Variants in PTPRN2 observed in about 807,000 individuals in gnomAD.
The protein encoded by PTPRN2 is receptor-type tyrosine-protein phosphatase N2.
A neutral mutation model predicts 118.8 loss-of-function variants in PTPRN2; 74 were observed. The observed-to-expected ratio is 0.62, with a 90% CI of 0.52 to 0.76. The LOEUF is 0.76. PTPRN2 is among the 30% of genes least tolerant of loss of function. The pLI is 0.00. For synonymous variants in PTPRN2, 641 were observed against 608.0 expected (o/e 1.05, Z -0.80); for missense variants, 1,481 against 1,394.4 (o/e 1.06, Z -0.99).
At chr7:157,745,025 C>T (rs1164698891) in intron 12 of PTPRN2, among the ~76,000 whole-genome samples, 11 of 152,192 alleles carry the variant, frequency 7.2e-5, no homozygotes, top group African/African-American at 7.2e-5. Context: ...ACGAGGACTA[C>T]GGGTGTCTGA....
intron 11 of PTPRN2, among the ~76,000 whole-genome samples, chr7:157,970,294 G>T (rs771201624): frequency 1.3e-5 from 2 of 152,218 alleles, no homozygotes; most frequent in Non-Finnish European, 2.9e-5. Context: ...AAGGTCATCT[G>T]CAGGCAAATA....
intron 2 of PTPRN2, among the ~76,000 whole-genome samples, chr7:158,417,334 G>A (rs1467331168): frequency 6.7e-6 from 1 of 149,360 alleles, no homozygotes; most frequent in Admixed American, 6.6e-5. Context: ...TCGAGATGCT[G>A]AAGCTTTCAG....
intron 2 of PTPRN2, among the ~76,000 whole-genome samples, chr7:158,327,169 G>GCA (rs549017342): frequency 0.013 from 1,863 of 145,538 alleles, 49 homozygotes; most frequent in African/African-American, 0.045. Context: ...ATTCTCACAT[G>GCA]CACACACACA....
At chr7:158,315,466 C>G (rs1342415053) in intron 3 of PTPRN2, among the ~76,000 whole-genome samples, 1 of 148,232 alleles carries the variant, frequency 6.7e-6, no homozygotes, top group Non-Finnish European at 1.5e-5. Flanking sequence ...GAACCCAGGA[C>G]TCCCTGAAGG....
chr7:158,264,332 T>C (rs1184035136), intron 3 of PTPRN2, among the ~76,000 whole-genome samples: 1 of 152,176 alleles, frequency 6.6e-6, no homozygotes, highest in Admixed American at 6.5e-5. Flanking sequence ...TAGACAATCA[T>C]TTACCACTCA....
At position 158,443,875 on chromosome 7, in the gene PTPRN2, C is replaced by T. The variant is rs114576507; in HGVS notation, c.163+45860G>A. On this transcript the variant is annotated intron_variant, in intron 2 of 22. Coordinates refer to ENST00000389418, the MANE Select transcript of PTPRN2 (RefSeq NM_002847.5). ...CCACCAGCAACGGGGCTGCCTGGGA[C>T]GGCCAGGGGCAGAGCTGCTCCCATG... Among the ~76,000 whole-genome samples the T allele has an allele frequency of 5.2e-3, 796 of 152,298 alleles. 11 individuals are homozygous for T. Among genetic ancestry groups the T allele is most frequent in the African/African-American group, 0.018 (747 of 41,562 alleles).
At position 157,779,966 on chromosome 7, in the gene PTPRN2, A is replaced by C. The variant is rs1803576179; in HGVS notation, c.1789-97029T>G. 6.6e-6 allele frequency among the ~76,000 whole-genome samples: 1 copy of C among 152,188 alleles called. No homozygotes were observed. ...ACTGCTGTGTCCACACGGGTTAATA[A>C]AAATGCTGACCCCAGTTCCCAAGGT... On this transcript the variant is annotated intron_variant, in intron 12 of 22. Transcript: ENST00000389418. The surrounding 1 kb of genome is among the most constrained non-coding windows in gnomAD (Gnocchi z 4.7).
At chr7:158,560,107 C>A (rs1032153040) in intron 1 of PTPRN2, among the ~76,000 whole-genome samples, 1 of 152,242 alleles carries the variant, frequency 6.6e-6, no homozygotes, top group African/African-American at 2.4e-5. Context: ...GGACCGGCTT[C>A]TTTCACTCAG....
At chr7:158,439,938 G>A (rs1440955006) in intron 2 of PTPRN2, among the ~76,000 whole-genome samples, 1 of 152,206 alleles carries the variant, frequency 6.6e-6, no homozygotes, top group Non-Finnish European at 1.5e-5. Context: ...AACCCAGGGA[G>A]GCATTGGTTT....
chr7:157,709,086 G>A (rs1798471429), intron 12 of PTPRN2, among the ~76,000 whole-genome samples: 1 of 152,206 alleles, frequency 6.6e-6, no homozygotes, highest in Admixed American at 6.5e-5. Flanking sequence ...TGTGGCTTCT[G>A]CCTCTCCCAG....
chr7:158,081,463 G>T, intron 10 of PTPRN2, 86 bp from the exon 11 acceptor site: 2 of 1,376,458 alleles, frequency 1.5e-6, no homozygotes, highest in South Asian at 1.2e-5. Flanking sequence ...ACACTGGTGT[G>T]TTTTTAAAAA....
chr7:157,660,002 G>T (rs1169868436), intron 13 of PTPRN2, among the ~76,000 whole-genome samples: 1 of 152,238 alleles, frequency 6.6e-6, no homozygotes, highest in Admixed American at 6.5e-5. Flanking sequence ...AATGAGGGAT[G>T]ATTTTAATAA....
intron 12 of PTPRN2, among the ~76,000 whole-genome samples, chr7:157,761,759 TTAAAC>T (rs1315537107): frequency 1.3e-5 from 2 of 149,336 alleles, no homozygotes; most frequent in East Asian, 3.9e-4. Context: ...TGGGATCTAA[TTAAAC>T]TAAAGAGCTT....
At chr7:158,430,930 G>C (rs1816123294) in intron 2 of PTPRN2, among the ~76,000 whole-genome samples, 1 of 152,192 alleles carries the variant, frequency 6.6e-6, no homozygotes, top group African/African-American at 2.4e-5. Flanking sequence ...GTCTGACCGT[G>C]GAACCAAAGC....
At chr7:157,555,109 C>A (rs938466627) in intron 21 of PTPRN2, among the ~76,000 whole-genome samples, 4 of 151,866 alleles carry the variant, frequency 2.6e-5, no homozygotes, top group Admixed American at 6.5e-5. Flanking sequence ...GCCACAGACA[C>A]CAGGCTCTGC....
chr7:157,854,981 AG>A (rs1809581132), intron 12 of PTPRN2: 1 of 142,608 alleles, frequency 7.0e-6, no homozygotes, highest in Admixed American at 7.7e-5. Context: ...TGGATCGGGG[AG>A]GATGGCTGCA....
At chr7:158,189,703 C>G (rs750998234) in intron 5 of PTPRN2, among the ~76,000 whole-genome samples, 3 of 152,256 alleles carry the variant, frequency 2.0e-5, no homozygotes, top group Middle Eastern at 3.2e-3. Context: ...CTGGACTGCA[C>G]GTGGGTTACT....
At chr7:158,203,677 G>A (rs1402967476) in intron 4 of PTPRN2, among the ~76,000 whole-genome samples, 2 of 152,008 alleles carry the variant, frequency 1.3e-5, no homozygotes, top group African/African-American at 4.8e-5. Context: ...CTTCTTGGCC[G>A]TCCAACCCAT....
intron 14 of PTPRN2, among the ~76,000 whole-genome samples, chr7:157,637,416 G>A (rs1483209975): frequency 6.6e-6 from 1 of 152,192 alleles, no homozygotes; most frequent in African/African-American, 2.4e-5. Context: ...GCCCTGGGTG[G>A]GGGAATCGGG....
Sources: gnomAD v4.1 joint callset for allele counts (sites outside exome capture counted in the v4.1 genomes callset) on GRCh38, gnomAD v4.1.1 for gene constraint, Gnocchi (gnomAD v3.1) non-coding constraint, MANE v1.5 for transcripts, NCBI Gene and HGNC (gene_info 2026-07-23, HGNC 2026-07-21) for gene names.